The following NLRP1 variants were observed in gnomAD, a reference collection of about 807,000 sequenced individuals.
NLRP1 encodes NLR family pyrin domain containing 1.
Under a neutral mutation model 136.7 loss-of-function variants are expected in NLRP1, and 94 were observed. The observed-to-expected ratio is 0.69, with a 90% CI of 0.58 to 0.82. The LOEUF is 0.82. NLRP1 is among the 40% of genes least tolerant of loss of function. The pLI is 0.00. For missense variants in NLRP1, 1,575 were observed against 1,802.7 expected (o/e 0.87, Z 2.29); for synonymous variants, 690 against 725.1 (o/e 0.95, Z 0.78).
chr17:5,530,483 T>C lies in NLRP1; in HGVS notation c.3518A>G (p.Gln1173Arg), dbSNP rs150677537. The change falls in exon 12 of 17, where the codon CAA becomes CGA. Residue 1173 changes from glutamine to arginine, a missense_variant and splice_region_variant. Coordinates refer to ENST00000572272, the MANE Select transcript of NLRP1 (RefSeq NM_033004.4). ...AVHLPHFVAL[Q>R]GGHVDTSLFQ... ...CCCTATCCTTCCCTGTTGTTTACCT[T>C]GGAGAGCCACAAAGTGAGGGAGGTG... 8.5e-4 allele frequency: 1,367 copies of C among 1,613,528 alleles called. 7 individuals are homozygous for C. The highest frequency in any genetic ancestry group is 1.2e-3 in the Middle Eastern group (7 of 5,896).
intron 3 of NLRP1, among the ~76,000 whole-genome samples, chr17:5,562,657 G>A (rs1914892111): frequency 6.6e-6 from 1 of 152,194 alleles, no homozygotes; most frequent in Non-Finnish European, 1.5e-5. Context: ...CTTAAGCACT[G>A]CCTACTGGAT....
rs114285982 is a variant in NLRP1, at chr17:5,584,175, A to G, written c.-218T>C. The G allele has an allele frequency of 6.7e-3, 3,883 of 578,026 alleles. 101 individuals carry two copies. Among genetic ancestry groups the G allele is most frequent in the African/African-American group, 0.062 (3,328 of 53,478 alleles). The allele number at this position is 578,026 out of a possible 1,614,324, so 35.8% of individuals were successfully genotyped here. A position where few individuals can be genotyped will look rare whatever the true frequency, so the allele number is the denominator to read the frequency against. The stretch of plus-strand genomic sequence containing the variant: ...GAGGGAGGAGCCCAGAGGGGCCTGC[A>G]AGACACTGGAAGAAGTCAGCTGATA... On this transcript the variant is annotated 5_prime_UTR_variant, in exon 1 of 17. Coordinates refer to ENST00000572272, the MANE Select transcript of NLRP1 (RefSeq NM_033004.4).
intron 9 of NLRP1, 40 bp downstream of exon 9, chr17:5,533,856 AC>A: frequency 7.3e-7 from 1 of 1,364,248 alleles, no homozygotes. Flanking sequence ...ACCTCCCCCA[AC>A]CCCTGTCACG....
intron 5 of NLRP1, among the ~76,000 whole-genome samples, chr17:5,551,692 T>C (rs1467114959): frequency 6.6e-6 from 1 of 152,216 alleles, no homozygotes; most frequent in Non-Finnish European, 1.5e-5. Context: ...CAGCATTTGG[T>C]GTTGTCAGTG....
intron 5 of NLRP1, among the ~76,000 whole-genome samples, chr17:5,552,260 A>G (rs1440671702): frequency 6.6e-6 from 1 of 151,974 alleles, no homozygotes; most frequent in Non-Finnish European, 1.5e-5. Context: ...ACCCTTGGTT[A>G]TTTAGGAGTG....
In NLRP1 at chr17:5,558,767, T is replaced by G. The variant is rs201014156; in HGVS notation, c.1929A>C (p.Arg643Ser). Reference sequence around the variant, plus strand: ...CTATGATGCAATTAGAATGTTTACCTCTCCCCTTCTCATCCTCCAAGACAT... The same window carrying G: ...CTATGATGCAATTAGAATGTTTACCGCTCCCCTTCTCATCCTCCAAGACAT... ...MSYVLEDEKG[R>S]GKHSNCIIDL... Residue 643 changes from arginine to serine, a missense_variant, in exon 4 of 17, where the codon AGA becomes AGC. Transcript: ENST00000572272. 5.0e-6 allele frequency: 8 copies of G among 1,614,010 alleles called. No individual in the cohort carries two copies. The East Asian group carries it at 1.8e-4, about 36-fold the overall frequency.
At position 5,583,611 on chromosome 17, in the gene NLRP1, T is replaced by C; in HGVS notation, c.271+76A>G. 1 of 1,422,864 alleles carries C rather than the reference T, an allele frequency of 7.0e-7. No individual in the cohort carries two copies. The allele number at this position is 1,422,864 out of a possible 1,614,324, so 88.1% of individuals were successfully genotyped here. A position where few individuals can be genotyped will look rare whatever the true frequency, so the allele number is the denominator to read the frequency against. ...AGGCCTGGCAGGGAGGGCTCAGTGG[T>C]GGGGTCCCAAGAGGGCAGGGCAGGC... is the stretch of plus-strand genomic sequence containing the variant. On this transcript the variant is annotated intron_variant, in intron 1 of 16. Transcript: ENST00000572272. The surrounding 1 kb of genome is among the most constrained non-coding windows in gnomAD (Gnocchi z 4.5).
chr17:5,571,832 T>C lies in NLRP1; in HGVS notation c.652+10027A>G, dbSNP rs541100247. Among the ~76,000 whole-genome samples the C allele has an allele frequency of 1.7e-4, 26 of 152,266 alleles. 1 individual carries two copies. In the South Asian group the frequency reaches 5.0e-3, roughly 29 times the overall value. ...AATAACAAATCTGGAGGCATCACATTACCTATTTTTAAACTATACTACAAG... is the reference window on the plus strand; with the variant it reads ...AATAACAAATCTGGAGGCATCACATCACCTATTTTTAAACTATACTACAAG... On this transcript the variant is annotated intron_variant, in intron 3 of 16. Transcript: ENST00000572272.
chr17:5,525,434 C>T, intron 12 of NLRP1, among the ~76,000 whole-genome samples: 1 of 152,230 alleles, frequency 6.6e-6, no homozygotes, highest in Non-Finnish European at 1.5e-5. Context: ...CATTGCTGCT[C>T]CTGCTGTCCA....
chr17:5,581,208 G>A (rs151203359), intron 3 of NLRP1, among the ~76,000 whole-genome samples: 1 of 152,336 alleles, frequency 6.6e-6, no homozygotes, highest in African/African-American at 2.4e-5. Flanking sequence ...AGGAGCCTCT[G>A]TACCTGTGGC....
At chr17:5,573,221 TAGCCAGCAGTCTGAGATTGAA>T (rs1904619802) in intron 3 of NLRP1, among the ~76,000 whole-genome samples, 2 of 152,178 alleles carry the variant, frequency 1.3e-5, no homozygotes, top group South Asian at 4.1e-4. Flanking sequence ...CACTTATTGC[TAGCCAGCAGTCTGAGATTGAA>T]CAGCAAGGCG....
chr17:5,540,356 G>C (rs1280412315), intron 6 of NLRP1, among the ~76,000 whole-genome samples: 3 of 152,212 alleles, frequency 2.0e-5, no homozygotes, highest in African/African-American at 7.2e-5. Flanking sequence ...TGTACCTGCT[G>C]TATGTTGTAT....
At chr17:5,501,999 T>C in intron 15 of NLRP1, 2 of 822,128 alleles carry the variant, frequency 2.4e-6, no homozygotes, top group Non-Finnish European at 4.1e-6. Flanking sequence ...CCCTGCCTCC[T>C]GCAAGTGAAA....
chr17:5,519,223 C>A (rs1447210564), intron 14 of NLRP1, among the ~76,000 whole-genome samples: 1 of 151,856 alleles, frequency 6.6e-6, no homozygotes, highest in Non-Finnish European at 1.5e-5. Flanking sequence ...AGGATGGTCT[C>A]GATCTCCTGA....
intron 4 of NLRP1, among the ~76,000 whole-genome samples, chr17:5,554,909 C>T (rs1913848047): frequency 6.6e-6 from 1 of 151,934 alleles, no homozygotes; most frequent in South Asian, 2.1e-4. Context: ...GTAGTCCCAG[C>T]TACTCAGGAG....
chr17:5,522,060 G>A (rs1024293784), intron 12 of NLRP1, among the ~76,000 whole-genome samples: 1 of 152,164 alleles, frequency 6.6e-6, no homozygotes, highest in African/African-American at 2.4e-5. Context: ...CCTGACCTCA[G>A]GTGATCCGCC....
chr17:5,566,782 G>T (rs1381949976), intron 3 of NLRP1, among the ~76,000 whole-genome samples: 1 of 152,084 alleles, frequency 6.6e-6, no homozygotes, highest in Non-Finnish European at 1.5e-5. Flanking sequence ...AGCTATTATT[G>T]TATTGAGGCC....
chr17:5,527,340 A>G (rs904363547), intron 12 of NLRP1, among the ~76,000 whole-genome samples: 12 of 152,244 alleles, frequency 7.9e-5, no homozygotes, highest in Non-Finnish European at 1.5e-4. Flanking sequence ...CCTGGGCCGC[A>G]TGTGGCCCAC....
At chr17:5,576,913 A>T (rs1905082992) in intron 3 of NLRP1, among the ~76,000 whole-genome samples, 1 of 152,236 alleles carries the variant, frequency 6.6e-6, no homozygotes. Flanking sequence ...CTTATCCAGC[A>T]TGATCAAGTG....
Sources: gnomAD v4.1 joint callset for allele counts (sites outside exome capture counted in the v4.1 genomes callset) on GRCh38, gnomAD v4.1.1 for gene constraint, Gnocchi (gnomAD v3.1) non-coding constraint, MANE v1.5 for transcripts, NCBI Gene and HGNC (gene_info 2026-07-23, HGNC 2026-07-21) for gene names.